Variants in CA12 observed in about 807,000 individuals in gnomAD.
CA12 encodes the protein carbonic anhydrase 12.
In CA12, 36 loss-of-function variants were observed where a neutral mutation model predicts 46.8. The ratio of observed to expected loss-of-function variants is 0.77; its 90% CI spans 0.59 to 1.02. The LOEUF is 1.02. Ranked by LOEUF, CA12 falls within the 50% of genes least tolerant of loss-of-function variation. CA12 has a pLI of 0.00. For missense variants in CA12, 436 were observed against 451.4 expected (o/e 0.97, Z 0.31); for synonymous variants, 202 against 187.0 (o/e 1.08, Z -0.65).
At chr15:63,353,601 C>G (rs1363586244) in intron 2 of CA12, among the ~76,000 whole-genome samples, 3 of 152,318 alleles carry the variant, frequency 2.0e-5, no homozygotes, top group South Asian at 4.1e-4. Flanking sequence ...GCTCTTGTGG[C>G]TAGAGCCACA....
intron 1 of CA12, among the ~76,000 whole-genome samples, chr15:63,376,111 A>G (rs556072017): frequency 2.8e-4 from 43 of 152,236 alleles, no homozygotes; most frequent in Non-Finnish European, 4.4e-4. Flanking sequence ...GCCCGGCCAA[A>G]TTGAAACTTT....
chr15:63,332,392 G>A (rs1353110048), intron 8 of CA12, among the ~76,000 whole-genome samples: 2 of 152,348 alleles, frequency 1.3e-5, no homozygotes, highest in South Asian at 2.1e-4. Flanking sequence ...ATACAGCTAT[G>A]ATGGGACTGA....
chr15:63,350,081 G>A (rs963055549), intron 2 of CA12, among the ~76,000 whole-genome samples: 6 of 152,200 alleles, frequency 3.9e-5, no homozygotes, highest in African/African-American at 1.4e-4. Context: ...TGTAGCCTGG[G>A]AGACGGCCTG....
chr15:63,359,593 A>C (rs561607174), intron 2 of CA12, among the ~76,000 whole-genome samples: 1 of 152,312 alleles, frequency 6.6e-6, no homozygotes, highest in East Asian at 1.9e-4. Context: ...TCAGACAAAT[A>C]AAAATCGAGG....
At chr15:63,360,568 CTAAT>C (rs1421947765) in intron 2 of CA12, among the ~76,000 whole-genome samples, 36 of 152,338 alleles carry the variant, frequency 2.4e-4, no homozygotes, top group Middle Eastern at 3.4e-3. Context: ...TACTGAGTCT[CTAAT>C]TGTGCCACGT....
At chr15:63,351,068 T>G (rs2039223579) in intron 2 of CA12, among the ~76,000 whole-genome samples, 2 of 152,206 alleles carry the variant, frequency 1.3e-5, no homozygotes, top group South Asian at 4.1e-4. Context: ...TTTAACAGTT[T>G]GTAAATTTCA....
chr15:63,338,800 C>A lies in CA12; in HGVS notation c.874+19G>T. ...ACCACACTCCCGCACCCCCTCCCCCCAGCACTGCCTCTCCTCACCTTGGGA... is the reference window on the plus strand; with the variant it reads ...ACCACACTCCCGCACCCCCTCCCCCAAGCACTGCCTCTCCTCACCTTGGGA... On this transcript the variant is annotated intron_variant, in intron 8 of 10. Transcript: ENST00000178638. The A allele has an allele frequency of 2.5e-6, 4 of 1,613,762 alleles. No individual in the cohort carries two copies. Among genetic ancestry groups the A allele is most frequent in the South Asian group, 1.1e-5 (1 of 91,060 alleles).
intron 2 of CA12, among the ~76,000 whole-genome samples, chr15:63,347,097 A>G (rs1279406048): frequency 2.6e-5 from 4 of 152,238 alleles, no homozygotes; most frequent in Non-Finnish European, 4.4e-5. Context: ...GTTGAATACA[A>G]TAGAGCCCCT....
At chr15:63,357,223 G>C (rs1018831514) in intron 2 of CA12, among the ~76,000 whole-genome samples, 1 of 152,200 alleles carries the variant, frequency 6.6e-6, no homozygotes, top group Non-Finnish European at 1.5e-5. Flanking sequence ...TGCACAATCA[G>C]AATCTCCTAG....
In CA12 at chr15:63,339,270, CAGAG is replaced by C. The variant is rs750969716; in HGVS notation, c.748-329_748-326del. ...GTGATGGAGTGCTCCTTAACCTCCA[CAGAG>C]ACTGAGTTCCTCTCATGAACTTAAA... On this transcript the variant is annotated intron_variant, in intron 7 of 10. Transcript: ENST00000178638. This position sits in a 1 kb window ranked among gnomAD's most constrained non-coding sequence, Gnocchi z 4.3. 0.046 allele frequency among the ~76,000 whole-genome samples: 6,783 copies of C among 146,686 alleles called. 196 individuals carry two copies. Among genetic ancestry groups the C allele is most frequent in the Middle Eastern group, 0.066 (19 of 288 alleles).
At position 63,348,447 on chromosome 15, in the gene CA12, G is replaced by A. The variant is rs2039182362; in HGVS notation, c.107-1738C>T. Reference sequence around the variant, plus strand: ...AATGCTTTAGGGGCAGCGGGGAGCAGAATGAAGCAACCGTGAGGCCTCATG... The same window carrying A: ...AATGCTTTAGGGGCAGCGGGGAGCAAAATGAAGCAACCGTGAGGCCTCATG... On this transcript the variant is annotated intron_variant, in intron 2 of 10. Coordinates refer to ENST00000178638, the MANE Select transcript of CA12 (RefSeq NM_001218.5). This position sits in a 1 kb window ranked among gnomAD's most constrained non-coding sequence, Gnocchi z 4.6. 6.6e-6 allele frequency among the ~76,000 whole-genome samples: 1 copy of A among 152,216 alleles called. No individual in the cohort carries two copies. The highest frequency in any genetic ancestry group is 1.5e-5 in the Non-Finnish European group (1 of 68,042).
intron 8 of CA12, among the ~76,000 whole-genome samples, chr15:63,332,708 G>T (rs1285463566): frequency 6.6e-6 from 1 of 152,176 alleles, no homozygotes; most frequent in African/African-American, 2.4e-5. Flanking sequence ...AACATTGTTA[G>T]CAAATGGAGA....
chr15:63,350,844 C>T (rs2039220106), intron 2 of CA12, among the ~76,000 whole-genome samples: 1 of 152,130 alleles, frequency 6.6e-6, no homozygotes, highest in Non-Finnish European at 1.5e-5. Flanking sequence ...AACAGTCCTG[C>T]CTCATCTATG....
At chr15:63,377,034 A>G (rs1463419078) in intron 1 of CA12, among the ~76,000 whole-genome samples, 1 of 152,194 alleles carries the variant, frequency 6.6e-6, no homozygotes. Flanking sequence ...TCTGCCAGAA[A>G]GAGAACAAAA....
intron 3 of CA12, 63 bp downstream of exon 3, chr15:63,346,467 A>G: frequency 7.7e-7 from 1 of 1,294,242 alleles, no homozygotes; most frequent in Non-Finnish European, 1.1e-6. Flanking sequence ...ATGGAAAAGG[A>G]CAGGCCTGGC....
At position 63,331,735 on chromosome 15, in the gene CA12, G is replaced by A. The variant is rs2038940271; in HGVS notation, c.875-3605C>T. On this transcript the variant is annotated intron_variant, in intron 8 of 10. Coordinates refer to ENST00000178638, the MANE Select transcript of CA12 (RefSeq NM_001218.5). The surrounding 1 kb of genome is among the most constrained non-coding windows in gnomAD (Gnocchi z 5.3). ...GTACAGACACCCGGAGAAGGTCGGT[G>A]AGCTGCTTGCCACAAGGGCCTTGCT... The A allele has an allele frequency of 1.3e-5, 2 of 152,286 alleles. No homozygotes were observed. Among genetic ancestry groups the A allele is most frequent in the East Asian group, 1.9e-4 (1 of 5,194 alleles). 9.4% of individuals were successfully genotyped at this position (152,286 alleles called of 1,614,324 possible).
At chr15:63,346,954 G>A (rs903547981) in intron 2 of CA12, among the ~76,000 whole-genome samples, 2 of 152,162 alleles carry the variant, frequency 1.3e-5, no homozygotes, top group East Asian at 1.9e-4. Context: ...GAAGGCCACC[G>A]AACTCTGCTT....
In CA12 at chr15:63,325,312, A is replaced by G. The variant is rs1370063831; in HGVS notation, c.*973T>C. 6.6e-6 allele frequency: 1 copy of G among 152,216 alleles called. No individual in the cohort carries two copies. The highest frequency in any genetic ancestry group is 1.5e-5 in the Non-Finnish European group (1 of 68,054). The allele number at this position is 152,216 out of a possible 1,614,324, so 9.4% of individuals were successfully genotyped here. A position where few individuals can be genotyped will look rare whatever the true frequency, so the allele number is the denominator to read the frequency against. On this transcript the variant is annotated 3_prime_UTR_variant, in exon 11 of 11. Coordinates refer to ENST00000178638, the MANE Select transcript of CA12 (RefSeq NM_001218.5). The surrounding 1 kb of genome is among the most constrained non-coding windows in gnomAD (Gnocchi z 4.9). ...CATTTTGTTTCTGCCTATTTCCTCC[A>G]GATTCAAAGGCAGATTGGGTCATCT...
chr15:63,346,278 C>G (rs1397532183), intron 3 of CA12, among the ~76,000 whole-genome samples: 4 of 152,186 alleles, frequency 2.6e-5, no homozygotes, highest in Non-Finnish European at 5.9e-5. Flanking sequence ...GTGCTCAGGC[C>G]GGTCTCCTGC....
Sources: allele counts gnomAD v4.1 joint callset (sites outside exome capture counted in the v4.1 genomes callset), GRCh38; gene constraint gnomAD v4.1.1; non-coding constraint Gnocchi (gnomAD v3.1); transcripts MANE v1.5; gene names NCBI Gene and HGNC (gene_info 2026-07-23, HGNC 2026-07-21).